The following ZNF131 variants were observed in gnomAD, a reference collection of about 807,000 sequenced individuals.
The protein encoded by ZNF131 is zinc finger protein 131.
A neutral mutation model predicts 60.0 loss-of-function variants in ZNF131; 7 were observed. That is an observed-to-expected ratio of 0.12 (90% CI 0.07 to 0.22). The LOEUF (loss-of-function observed/expected upper bound fraction) is 0.22, where lower values mean the gene tolerates loss of function less well. Among genes scored for constraint, ZNF131 ranks in the 10% least tolerant of loss-of-function variants. The probability of loss-of-function intolerance (pLI) is 1.00; values close to 1 mark genes in which losing one functional copy is unlikely to be tolerated. For synonymous variants in ZNF131, 257 were observed against 253.2 expected, an observed-to-expected ratio of 1.01 and a Z score of -0.14; for missense variants, 493 against 740.9, an observed-to-expected ratio of 0.67 and a Z score of 3.88.
At chr5:43,169,132 A>G (rs1393869396) in intron 5 of ZNF131, among the ~76,000 whole-genome samples, 1 of 152,192 alleles carries the variant, frequency 6.6e-6, no homozygotes, top group Non-Finnish European at 1.5e-5. Context: ...TTTCAGTTCC[A>G]TCTCCAGTTC....
intron 6 of ZNF131, 38 bp from the exon 7 acceptor site, chr5:43,174,409 T>G (rs1332938873): frequency 4.7e-6 from 7 of 1,475,280 alleles, no homozygotes; most frequent in Non-Finnish European, 6.3e-6. Flanking sequence ...TCAGTTTGGA[T>G]ATAAGTATTG....
At chr5:43,157,581 A>G (rs181593450) in intron 4 of ZNF131, among the ~76,000 whole-genome samples, 47 of 152,266 alleles carry the variant, frequency 3.1e-4, no homozygotes, top group African/African-American at 1.1e-3. Flanking sequence ...TTGCTGCCCA[A>G]TACTCTTCCT....
intron 4 of ZNF131, among the ~76,000 whole-genome samples, chr5:43,148,010 T>C (rs1035102273): frequency 5.4e-5 from 8 of 148,908 alleles, no homozygotes; most frequent in Non-Finnish European, 1.2e-4. Flanking sequence ...GCCAAGATCA[T>C]GCCATTGTAC....
At chr5:43,138,434 C>G (rs9292866) in intron 3 of ZNF131, among the ~76,000 whole-genome samples, 2 of 152,022 alleles carry the variant, frequency 1.3e-5, no homozygotes, top group African/African-American at 2.4e-5. Context: ...GGGCAGATCA[C>G]TTGAGGTCGG....
intron 4 of ZNF131, among the ~76,000 whole-genome samples, chr5:43,146,779 G>A (rs1381808608): frequency 6.6e-6 from 1 of 151,686 alleles, no homozygotes; most frequent in Admixed American, 6.6e-5. Flanking sequence ...GGTGGCGTGC[G>A]CCTATAGTCC....
At position 43,122,041 on chromosome 5, in the gene ZNF131, C is replaced by A; in HGVS notation, c.-13C>A. 1 of 1,613,570 alleles carries A rather than the reference C, an allele frequency of 6.2e-7. No individual in the cohort carries two copies. Among genetic ancestry groups the A allele is most frequent in the Non-Finnish European group, 8.5e-7 (1 of 1,179,848 alleles). On this transcript the variant is annotated splice_region_variant and 5_prime_UTR_variant, in exon 2 of 7. Coordinates refer to ENST00000682664, the MANE Select transcript of ZNF131 (RefSeq NM_001330707.2). ...ATTATCATGCTCTTCTTTTGTAGAG[C>A]AGCCCGACGGCCATGGAGGCTGAAG...
intron 3 of ZNF131, among the ~76,000 whole-genome samples, chr5:43,130,493 G>A (rs916244839): frequency 6.6e-6 from 1 of 152,098 alleles, no homozygotes; most frequent in African/African-American, 2.4e-5. Context: ...AGTGTTAATA[G>A]TGCTGGTTGT....
At chr5:43,169,819 C>G (rs973514042) in intron 5 of ZNF131, among the ~76,000 whole-genome samples, 6 of 150,432 alleles carry the variant, frequency 4.0e-5, no homozygotes, top group African/African-American at 9.8e-5. Flanking sequence ...GAGACAGAGT[C>G]TGGCACTATC....
chr5:43,137,876 G>A (rs1746328094), intron 3 of ZNF131, among the ~76,000 whole-genome samples: 1 of 152,198 alleles, frequency 6.6e-6, no homozygotes, highest in South Asian at 2.1e-4. Context: ...GTATCCAATG[G>A]AATACTATTC....
intron 5 of ZNF131, 101 bp from the exon 6 acceptor site, chr5:43,173,217 T>A: frequency 8.4e-7 from 1 of 1,188,064 alleles, no homozygotes; most frequent in South Asian, 2.1e-5. Context: ...TTTTAGGAAT[T>A]TAGTATTAAA....
intron 5 of ZNF131, among the ~76,000 whole-genome samples, chr5:43,162,600 AAAAAAG>A (rs1287963169): frequency 6.9e-6 from 1 of 145,978 alleles, no homozygotes; most frequent in Non-Finnish European, 1.5e-5. Flanking sequence ...TTAAAAAAAA[AAAAAAG>A]AAAAGAAAAA....
chr5:43,146,458 G>A (rs993199141), intron 4 of ZNF131, among the ~76,000 whole-genome samples: 1 of 152,026 alleles, frequency 6.6e-6, no homozygotes, highest in East Asian at 1.9e-4. Flanking sequence ...GTGTGGTGGC[G>A]GGCACCTGTA....
intron 4 of ZNF131, chr5:43,143,388 T>A (rs1579787818): frequency 7.3e-7 from 1 of 1,370,116 alleles, no homozygotes; most frequent in East Asian, 2.7e-5. Flanking sequence ...GCCACATCCA[T>A]GGACTGCACA....
rs1172217381 is a variant in ZNF131, at chr5:43,176,245, A to G, written c.*1112A>G. The G allele has an allele frequency of 6.6e-6, 1 of 152,188 alleles. No homozygotes were observed. The highest frequency in any genetic ancestry group is 1.5e-5 in the Non-Finnish European group (1 of 68,026). The allele number at this position is 152,188 out of a possible 1,614,324, so 9.4% of individuals were successfully genotyped here. ...TTGGAAAATAAAATATAACAAACCCATAGACCAATATGCTATTTTTTTTAC... is the reference window on the plus strand; with the variant it reads ...TTGGAAAATAAAATATAACAAACCCGTAGACCAATATGCTATTTTTTTTAC... On this transcript the variant is annotated 3_prime_UTR_variant, in exon 7 of 7. Transcript: ENST00000682664.
intron 4 of ZNF131, among the ~76,000 whole-genome samples, chr5:43,151,687 G>A (rs767621736): frequency 1.7e-4 from 26 of 151,968 alleles, no homozygotes; most frequent in Admixed American, 1.3e-3. Flanking sequence ...CACCTGCCTC[G>A]GAGTCCCAAA....
rs1432836206 is a variant in ZNF131 at position 43,132,805 on chromosome 5, G to A, written c.227-6360G>A. Among the ~76,000 whole-genome samples the A allele has an allele frequency of 2.6e-5, 4 of 152,122 alleles. No individual in the cohort carries two copies. In the East Asian group the frequency reaches 5.8e-4, roughly 22 times the overall value. ...TGGGATTACAGGCATGAGCCACTGC[G>A]CCCAGCCAGGAACGTTTCTTTACAC... On this transcript the variant is annotated intron_variant, in intron 3 of 6. Transcript: ENST00000682664.
chr5:43,150,360 G>T (rs1269299342), intron 4 of ZNF131, among the ~76,000 whole-genome samples: 2 of 152,158 alleles, frequency 1.3e-5, no homozygotes, highest in Admixed American at 1.3e-4. Context: ...TTGTTTATAA[G>T]ACATGCAGAA....
chr5:43,153,164 A>G (rs747665903), intron 4 of ZNF131, among the ~76,000 whole-genome samples: 12 of 152,198 alleles, frequency 7.9e-5, no homozygotes, highest in Non-Finnish European at 1.8e-4. Flanking sequence ...GAATTCAATC[A>G]AGTGGTCAGT....
chr5:43,145,441 T>C (rs1295407377), intron 4 of ZNF131, among the ~76,000 whole-genome samples: 1 of 151,986 alleles, frequency 6.6e-6, no homozygotes, highest in African/African-American at 2.4e-5. Context: ...TCACTTGAGG[T>C]CAGGAGTTTG....
Sources: allele counts gnomAD v4.1 joint callset (sites outside exome capture counted in the v4.1 genomes callset), GRCh38; gene constraint gnomAD v4.1.1; transcripts MANE v1.5; gene names NCBI Gene and HGNC (gene_info 2026-07-23, HGNC 2026-07-21).